The following MEF2A variants were observed in gnomAD, a reference collection of about 807,000 sequenced individuals.
MEF2A encodes myocyte enhancer factor 2A.
In MEF2A, 28 loss-of-function variants were observed where a neutral mutation model predicts 55.8. That is an observed-to-expected ratio of 0.50 (90% CI 0.37 to 0.69). MEF2A has a LOEUF of 0.69. MEF2A is among the 30% of genes least tolerant of loss of function. The pLI, the probability that MEF2A is intolerant of heterozygous loss-of-function variation, is 0.00. For missense variants in MEF2A, 528 were observed against 626.2 expected, an observed-to-expected ratio of 0.84 and a Z score of 1.67; for synonymous variants, 239 against 227.1, an observed-to-expected ratio of 1.05 and a Z score of -0.47.
chr15:99,567,627 CTGTGTGTGTGTGTGTGTGTGTG>C (rs370539645), intron 1 of MEF2A, among the ~76,000 whole-genome samples: 8 of 143,776 alleles, frequency 5.6e-5, no homozygotes, highest in African/African-American at 2.1e-4. Flanking sequence ...TTTGTATGTA[CTGTGTGTGTGTGTGTGTGTGTG>C]TGTGTGTGTG....
In MEF2A at chr15:99,650,528, C is replaced by G. The variant is rs140711899; in HGVS notation, c.258+4764C>G. 9.7e-4 allele frequency among the ~76,000 whole-genome samples: 148 copies of G among 152,252 alleles called. 1 individual carries two copies. Among genetic ancestry groups the G allele is most frequent in the African/African-American group, 3.4e-3 (142 of 41,550 alleles). On this transcript the variant is annotated intron_variant, in intron 4 of 11. Coordinates refer to ENST00000557942, the MANE Select transcript of MEF2A (RefSeq NM_001319206.4). The stretch of plus-strand genomic sequence containing the variant: ...AATCCTTACTGTTGCCCTTATTTCA[C>G]ATTGAGGCAATGGAGACACAGTGAT...
At chr15:99,672,642 G>A (rs560125283) in intron 5 of MEF2A, among the ~76,000 whole-genome samples, 14 of 152,216 alleles carry the variant, frequency 9.2e-5, no homozygotes, top group Non-Finnish European at 1.3e-4. Flanking sequence ...TACAGGTTGG[G>A]TATTCCTTAT....
chr15:99,702,627 C>T (rs1331083988), intron 8 of MEF2A, among the ~76,000 whole-genome samples: 1 of 152,014 alleles, frequency 6.6e-6, no homozygotes, highest in East Asian at 1.9e-4. Flanking sequence ...AAGGTTTCAC[C>T]ATCTTGGCCA....
At chr15:99,651,492 G>GA (rs938632066) in intron 4 of MEF2A, among the ~76,000 whole-genome samples, 1 of 152,106 alleles carries the variant, frequency 6.6e-6, no homozygotes, top group African/African-American at 2.4e-5. Context: ...CAGGGAAAGG[G>GA]AAAAAATAAT....
chr15:99,626,301 A>G (rs1053058742), intron 2 of MEF2A, among the ~76,000 whole-genome samples: 1 of 152,110 alleles, frequency 6.6e-6, no homozygotes, highest in African/African-American at 2.4e-5. Flanking sequence ...CTATAGAGTA[A>G]GTTGTAATGC....
chr15:99,694,168 T>G (rs2056033465), intron 8 of MEF2A, among the ~76,000 whole-genome samples: 1 of 152,220 alleles, frequency 6.6e-6, no homozygotes, highest in Admixed American at 6.5e-5. Flanking sequence ...CTTGCTTTAA[T>G]GACCTTGACA....
At chr15:99,711,888 C>G (rs1791852059) in intron 11 of MEF2A, among the ~76,000 whole-genome samples, 2 of 152,232 alleles carry the variant, frequency 1.3e-5, no homozygotes, top group African/African-American at 4.8e-5. Context: ...GGGGAACAGC[C>G]TGTTTGCGTC....
chr15:99,665,479 C>G (rs747115465), intron 4 of MEF2A, among the ~76,000 whole-genome samples: 1 of 151,952 alleles, frequency 6.6e-6, no homozygotes, highest in Non-Finnish European at 1.5e-5. Flanking sequence ...CATAAAAACT[C>G]TAGAAGAAAA....
At position 99,713,478 on chromosome 15, in the gene MEF2A, A is replaced by G. The variant is rs1175923824; in HGVS notation, c.*707A>G. On this transcript the variant is annotated 3_prime_UTR_variant, in exon 12 of 12. Transcript: ENST00000557942. ...ACTAGCCTAGAAATATAGAGCATTA[A>G]CAAAGTAAAATTAATATATTAAGTT... 2 of 153,250 alleles carry G rather than the reference A, an allele frequency of 1.3e-5. No individual in the cohort carries two copies. The highest frequency in any genetic ancestry group is 4.8e-5 in the African/African-American group (2 of 41,656). The allele number at this position is 153,250 out of a possible 1,614,324, so 9.5% of individuals were successfully genotyped here. A position where few individuals can be genotyped will look rare whatever the true frequency, so the allele number is the denominator to read the frequency against.
intron 9 of MEF2A, among the ~76,000 whole-genome samples, chr15:99,704,285 C>T (rs374970943): frequency 6.6e-6 from 1 of 152,110 alleles, no homozygotes; most frequent in Non-Finnish European, 1.5e-5. Flanking sequence ...GTTATCTGTT[C>T]CCCTTAAAAT....
intron 4 of MEF2A, among the ~76,000 whole-genome samples, chr15:99,670,390 C>T (rs908246283): frequency 6.6e-6 from 1 of 152,080 alleles, no homozygotes; most frequent in African/African-American, 2.4e-5. Context: ...GGGTGGATCA[C>T]GAGGTCAGGA....
At chr15:99,656,341 G>A (rs1169248477) in intron 4 of MEF2A, among the ~76,000 whole-genome samples, 1 of 152,120 alleles carries the variant, frequency 6.6e-6, no homozygotes, top group Non-Finnish European at 1.5e-5. Context: ...GGCCTCTGCT[G>A]TATTGCAGTG....
At chr15:99,711,115 C>T (rs2058593922) in intron 11 of MEF2A, among the ~76,000 whole-genome samples, 1 of 152,210 alleles carries the variant, frequency 6.6e-6, no homozygotes, top group Non-Finnish European at 1.5e-5. Flanking sequence ...TACTGCACCC[C>T]TGCTCCCAAG....
chr15:99,684,138 C>T (rs534686620), intron 7 of MEF2A, among the ~76,000 whole-genome samples: 1 of 152,226 alleles, frequency 6.6e-6, no homozygotes, highest in East Asian at 1.9e-4. Flanking sequence ...GGCATTTGGG[C>T]TGGTTCCATA....
chr15:99,617,752 A>AT (rs1203802677), intron 2 of MEF2A, among the ~76,000 whole-genome samples: 2 of 152,106 alleles, frequency 1.3e-5, no homozygotes, highest in Non-Finnish European at 2.9e-5. Flanking sequence ...TAAATTGCCC[A>AT]TAACTATTAG....
At chr15:99,628,711 A>G (rs549297842) in intron 2 of MEF2A, among the ~76,000 whole-genome samples, 100 of 152,204 alleles carry the variant, frequency 6.6e-4, no homozygotes, top group Non-Finnish European at 1.1e-3. Context: ...ATTATGTACT[A>G]TTACTGTTAT....
At chr15:99,658,951 G>T in intron 4 of MEF2A, among the ~76,000 whole-genome samples, 1 of 152,140 alleles carries the variant, frequency 6.6e-6, no homozygotes, top group Non-Finnish European at 1.5e-5. Flanking sequence ...TCTTCATGTG[G>T]ACGATGATCT....
At chr15:99,687,874 G>A (rs975641337) in intron 7 of MEF2A, among the ~76,000 whole-genome samples, 1 of 152,158 alleles carries the variant, frequency 6.6e-6, no homozygotes, top group African/African-American at 2.4e-5. Context: ...GCACAGTACT[G>A]TATACATAAT....
chr15:99,624,065 CA>C (rs1188933357), intron 2 of MEF2A, among the ~76,000 whole-genome samples: 1 of 152,202 alleles, frequency 6.6e-6, no homozygotes, highest in Non-Finnish European at 1.5e-5. Context: ...CTCGACCTCC[CA>C]AAGCGTTGGG....
Sources: gnomAD v4.1 joint callset for allele counts (sites outside exome capture counted in the v4.1 genomes callset) on GRCh38, gnomAD v4.1.1 for gene constraint, MANE v1.5 for transcripts, NCBI Gene and HGNC (gene_info 2026-07-23, HGNC 2026-07-21) for gene names.